The following DYM variants were observed in gnomAD, a reference collection of about 807,000 sequenced individuals.
DYM encodes the protein dymeclin.
Under a neutral mutation model 93.1 loss-of-function variants are expected in DYM, and 78 were observed. That is an observed-to-expected ratio of 0.84 (90% CI 0.70 to 1.01). The LOEUF (loss-of-function observed/expected upper bound fraction) is 1.01, where lower values mean the gene tolerates loss of function less well. Among genes scored for constraint, DYM ranks in the 50% least tolerant of loss-of-function variants. The probability of loss-of-function intolerance (pLI) is 0.00; values close to 1 mark genes in which losing one functional copy is unlikely to be tolerated. For synonymous variants in DYM, 321 were observed against 319.7 expected, an observed-to-expected ratio of 1.00 and a Z score of -0.04; for missense variants, 789 against 845.0, an observed-to-expected ratio of 0.93 and a Z score of 0.82.
At chr18:49,310,577 G>A (rs1207407286) in intron 8 of DYM, among the ~76,000 whole-genome samples, 1 of 152,142 alleles carries the variant, frequency 6.6e-6, no homozygotes, top group East Asian at 1.9e-4. Context: ...ATAATTATGT[G>A]TGGCCAAAAG....
At chr18:49,327,115 CA>C (rs147661808) in intron 8 of DYM, among the ~76,000 whole-genome samples, 12,125 of 149,636 alleles carry the variant, frequency 0.081, 638 homozygotes, top group East Asian at 0.18. Context: ...AAAAACACAA[CA>C]AATGGGATAA....
intron 1 of DYM, among the ~76,000 whole-genome samples, chr18:49,438,124 C>T (rs552790523): frequency 1.3e-5 from 2 of 152,138 alleles, no homozygotes; most frequent in South Asian, 2.1e-4. Flanking sequence ...CAGTGAGCCA[C>T]GTCTACACCA....
chr18:49,103,432 C>G (rs959827709), intron 16 of DYM, among the ~76,000 whole-genome samples: 3 of 152,136 alleles, frequency 2.0e-5, no homozygotes, highest in African/African-American at 7.2e-5. Flanking sequence ...TCCCATTTGT[C>G]AATTTTAGCT....
intron 17 of DYM, among the ~76,000 whole-genome samples, chr18:49,075,569 T>C (rs927337323): frequency 6.6e-6 from 1 of 152,110 alleles, no homozygotes; most frequent in Non-Finnish European, 1.5e-5. Flanking sequence ...AAGAGGAAAA[T>C]ACACATTTCT....
chr18:49,404,411 TTTA>T (rs1314380677), intron 2 of DYM, among the ~76,000 whole-genome samples: 1 of 152,204 alleles, frequency 6.6e-6, no homozygotes, highest in Admixed American at 6.5e-5. Context: ...GGTAGAATTA[TTTA>T]TTTTCTTTTG....
chr18:49,387,123 A>T (rs558994061), intron 3 of DYM, among the ~76,000 whole-genome samples: 1 of 151,694 alleles, frequency 6.6e-6, no homozygotes, highest in South Asian at 2.1e-4. Context: ...TTTTTTGTAG[A>T]GACAGGGTCT....
chr18:49,396,123 A>T (rs1267446080), intron 2 of DYM, among the ~76,000 whole-genome samples: 1 of 152,172 alleles, frequency 6.6e-6, no homozygotes, highest in African/African-American at 2.4e-5. Context: ...TGAGGCCCTC[A>T]TCAGATGCAG....
chr18:49,165,121 G>A (rs1404426868), intron 14 of DYM, among the ~76,000 whole-genome samples: 1 of 152,068 alleles, frequency 6.6e-6, no homozygotes, highest in Non-Finnish European at 1.5e-5. Flanking sequence ...AAGTTGGAAT[G>A]GCCATGTTAA....
At chr18:49,110,353 G>C (rs2081279995) in intron 16 of DYM, among the ~76,000 whole-genome samples, 1 of 152,154 alleles carries the variant, frequency 6.6e-6, no homozygotes, top group Admixed American at 6.5e-5. Context: ...GTTTCTATCA[G>C]ATATGATAGT....
chr18:49,322,013 T>C (rs1371104834), intron 8 of DYM, among the ~76,000 whole-genome samples: 1 of 152,088 alleles, frequency 6.6e-6, no homozygotes. Context: ...AACAATCAAG[T>C]AAAATACATT....
intron 17 of DYM, among the ~76,000 whole-genome samples, chr18:49,087,876 T>G (rs1267158795): frequency 6.6e-6 from 1 of 152,198 alleles, no homozygotes; most frequent in African/African-American, 2.4e-5. Context: ...CCAGTGATGA[T>G]GAGCATTTTT....
chr18:49,110,188 A>G (rs2081263194), intron 16 of DYM, among the ~76,000 whole-genome samples: 1 of 152,222 alleles, frequency 6.6e-6, no homozygotes, highest in Non-Finnish European at 1.5e-5. Context: ...GAAGACTAAA[A>G]TATTTACAAT....
intron 8 of DYM, among the ~76,000 whole-genome samples, chr18:49,322,544 G>C (rs748429004): frequency 1.4e-4 from 21 of 151,548 alleles, no homozygotes; most frequent in Non-Finnish European, 2.7e-4. Context: ...TTCACCTCAT[G>C]GTATCAAATT....
chr18:49,384,886 G>C (rs1164676622), intron 3 of DYM, among the ~76,000 whole-genome samples: 1 of 137,228 alleles, frequency 7.3e-6, no homozygotes, highest in East Asian at 2.1e-4. Context: ...GTAGGGAGAA[G>C]AAACTAAAAC....
chr18:49,267,222 A>G (rs913803317), intron 11 of DYM, among the ~76,000 whole-genome samples: 4 of 152,050 alleles, frequency 2.6e-5, no homozygotes, highest in African/African-American at 7.2e-5. Flanking sequence ...AGAAGAGGTA[A>G]TAAGAGTATA....
chr18:49,275,044 C>T (rs546099564), intron 10 of DYM, among the ~76,000 whole-genome samples: 2 of 152,236 alleles, frequency 1.3e-5, no homozygotes, highest in African/African-American at 4.8e-5. Context: ...ATCTAACAGT[C>T]ATTTGCCAAA....
In DYM at chr18:49,043,527, C is replaced by G. The variant is rs2144042801; in HGVS notation, c.*528G>C. The G allele has an allele frequency of 6.5e-6, 1 of 154,914 alleles. No homozygotes were observed. Among genetic ancestry groups the G allele is most frequent in the African/African-American group, 2.4e-5 (1 of 41,576 alleles). The allele number at this position is 154,914 out of a possible 1,614,324, so 9.6% of individuals were successfully genotyped here. A position where few individuals can be genotyped will look rare whatever the true frequency, so the allele number is the denominator to read the frequency against. On this transcript the variant is annotated 3_prime_UTR_variant, in exon 18 of 18. Transcript: ENST00000675505. ...AAATTGTGTGCCCTCTGACAGGCAACCAAACACACACGACTTCATTTCTTT... is the reference window on the plus strand; with the variant it reads ...AAATTGTGTGCCCTCTGACAGGCAAGCAAACACACACGACTTCATTTCTTT...
intron 2 of DYM, among the ~76,000 whole-genome samples, chr18:49,428,751 A>AT (rs2074540172): frequency 6.6e-6 from 1 of 152,118 alleles, no homozygotes; most frequent in African/African-American, 2.4e-5. Flanking sequence ...TGGGCATGGG[A>AT]TAGGGCATGG....
chr18:49,233,144 C>CTGAGGTCAGGAGT (rs1206360659), intron 13 of DYM, among the ~76,000 whole-genome samples: 1 of 151,494 alleles, frequency 6.6e-6, no homozygotes, highest in African/African-American at 2.4e-5. Flanking sequence ...GGTGGATCAC[C>CTGAGGTCAGGAGT]TGAGGTCAGG....
Sources: allele counts gnomAD v4.1 joint callset (sites outside exome capture counted in the v4.1 genomes callset), GRCh38; gene constraint gnomAD v4.1.1; transcripts MANE v1.5; gene names NCBI Gene and HGNC (gene_info 2026-07-23, HGNC 2026-07-21).